Variants in POLA1 observed in about 807,000 individuals in gnomAD.
POLA1 encodes DNA polymerase alpha catalytic subunit.
A neutral mutation model predicts 124.0 loss-of-function variants in POLA1; 15 were observed. That is an observed-to-expected ratio of 0.12 (90% CI 0.08 to 0.19). The LOEUF is 0.19. Ranked by LOEUF, POLA1 falls within the 10% of genes least tolerant of loss-of-function variation. The probability of loss-of-function intolerance (pLI) is 1.00; values close to 1 mark genes in which losing one functional copy is unlikely to be tolerated. For synonymous variants in POLA1, 408 were observed against 389.4 expected, an observed-to-expected ratio of 1.05 and a Z score of -0.56; for missense variants, 886 against 1,103.4, an observed-to-expected ratio of 0.80 and a Z score of 2.79.
At chrX:24,956,416 A>G (rs2048107232) in intron 36 of POLA1, among the ~76,000 whole-genome samples, 1 of 110,011 alleles carries the variant, frequency 9.1e-6, no homozygotes, top group Non-Finnish European at 1.9e-5. Flanking sequence ...AACAAAATAG[A>G]CTTTATAGAT....
chrX:24,983,585 T>C (rs913882263), intron 36 of POLA1, among the ~76,000 whole-genome samples: 3 of 112,651 alleles, frequency 2.7e-5, no homozygotes, highest in Non-Finnish European at 5.6e-5. Flanking sequence ...CTTAGCCTTA[T>C]GTTAATTCAG....
chrX:24,785,784 A>G (rs945291393), intron 26 of POLA1, among the ~76,000 whole-genome samples: 3 of 112,049 alleles, frequency 2.7e-5, no homozygotes, highest in Admixed American at 1.9e-4. Context: ...ATCACTATGC[A>G]TGCTGTACCA....
intron 26 of POLA1, among the ~76,000 whole-genome samples, chrX:24,794,275 G>A (rs1210491166): frequency 8.9e-6 from 1 of 111,909 alleles, no homozygotes; most frequent in Non-Finnish European, 1.9e-5. Flanking sequence ...CATCACACCC[G>A]GCCTTCCCTG....
intron 26 of POLA1, among the ~76,000 whole-genome samples, chrX:24,754,069 A>G (rs1449703167): frequency 9.0e-6 from 1 of 111,546 alleles, no homozygotes; most frequent in Non-Finnish European, 1.9e-5. Flanking sequence ...ATGTGGTAGC[A>G]CCTATCAGGA....
intron 36 of POLA1, among the ~76,000 whole-genome samples, chrX:24,991,214 C>A (rs1458043331): frequency 9.3e-6 from 1 of 107,677 alleles, no homozygotes; most frequent in Non-Finnish European, 1.9e-5. Context: ...CACACCCACC[C>A]AAAAAAAAAT....
chrX:24,742,189 C>A, intron 22 of POLA1, 68 bp downstream of exon 22: 1 of 837,308 alleles, frequency 1.2e-6, no homozygotes, highest in Non-Finnish European at 1.6e-6. Flanking sequence ...ACCTAGATAG[C>A]CTTTTTTTTC....
intron 36 of POLA1, among the ~76,000 whole-genome samples, chrX:24,938,042 T>C (rs954908182): frequency 8.9e-6 from 1 of 112,620 alleles, no homozygotes; most frequent in African/African-American, 3.2e-5. Flanking sequence ...TGTTTCTTCG[T>C]AACTAGAAGG....
At chrX:24,783,536 C>T (rs189874334) in intron 26 of POLA1, among the ~76,000 whole-genome samples, 7 of 112,121 alleles carry the variant, frequency 6.2e-5, no homozygotes, top group African/African-American at 2.3e-4. Context: ...TTTCCCCATT[C>T]AGACTGCCAA....
intron 26 of POLA1, among the ~76,000 whole-genome samples, chrX:24,757,544 A>G (rs1932673309): frequency 9.8e-6 from 1 of 102,092 alleles, no homozygotes; most frequent in African/African-American, 3.8e-5. Flanking sequence ...GGTTCACGCC[A>G]TTCTCCTGCC....
chrX:24,975,923 A>G (rs909008982), intron 36 of POLA1, among the ~76,000 whole-genome samples: 2 of 112,711 alleles, frequency 1.8e-5, no homozygotes, highest in African/African-American at 3.2e-5. Context: ...TTCTGATCAC[A>G]TTACAGTTGT....
intron 36 of POLA1, among the ~76,000 whole-genome samples, chrX:24,963,716 C>T (rs1254277173): frequency 9.0e-6 from 1 of 111,400 alleles, no homozygotes; most frequent in East Asian, 2.8e-4. Context: ...TAATACAGAA[C>T]TCTTATTTGT....
chrX:24,879,408 A>T (rs904658479), intron 34 of POLA1, among the ~76,000 whole-genome samples: 2 of 112,028 alleles, frequency 1.8e-5, no homozygotes, highest in African/African-American at 6.5e-5. Flanking sequence ...GGAAAAAAGT[A>T]TTTTCTGAAA....
intron 1 of POLA1, among the ~76,000 whole-genome samples, chrX:24,698,490 T>C (rs912330164): frequency 1.8e-5 from 2 of 111,478 alleles, no homozygotes; most frequent in Non-Finnish European, 3.8e-5. Context: ...ATCTGTTCCT[T>C]CTTTGAATTT....
intron 26 of POLA1, among the ~76,000 whole-genome samples, chrX:24,764,914 C>A (rs1360296372): frequency 9.0e-6 from 1 of 111,293 alleles, no homozygotes; most frequent in Non-Finnish European, 1.9e-5. Context: ...TCTTGTCCCC[C>A]CCAATCTATT....
intron 5 of POLA1, 92 bp downstream of exon 5, chrX:24,714,761 T>C (rs940097746): frequency 4.1e-6 from 2 of 488,240 alleles, no homozygotes; most frequent in Non-Finnish European, 6.7e-6. Context: ...CTGTATATAT[T>C]TGAGTAACAT....
chrX:24,906,281 A>G (rs2047365026), intron 35 of POLA1, among the ~76,000 whole-genome samples: 1 of 112,423 alleles, frequency 8.9e-6, no homozygotes, highest in South Asian at 3.7e-4. Flanking sequence ...ACGAGTAGAT[A>G]AAGAAAATGT....
intron 23 of POLA1, among the ~76,000 whole-genome samples, chrX:24,744,813 C>T (rs929052323): frequency 3.7e-5 from 4 of 107,614 alleles, no homozygotes; most frequent in African/African-American, 1.4e-4. Flanking sequence ...TAGCCGAGCA[C>T]GGTGTTGCGC....
intron 34 of POLA1, among the ~76,000 whole-genome samples, chrX:24,850,945 C>G (rs1451022208): frequency 8.9e-6 from 1 of 111,848 alleles, no homozygotes. Flanking sequence ...GGCCGTGATG[C>G]CCAGGTCTTT....
chrX:24,786,288 A>G (rs1245588918), intron 26 of POLA1, among the ~76,000 whole-genome samples: 7 of 111,721 alleles, frequency 6.3e-5, no homozygotes, highest in Non-Finnish European at 1.3e-4. Flanking sequence ...ATTGCCACCA[A>G]TAGTGTACAA....
Sources: allele counts gnomAD v4.1 joint callset (sites outside exome capture counted in the v4.1 genomes callset), GRCh38; gene constraint gnomAD v4.1.1; transcripts MANE v1.5; gene names NCBI Gene and HGNC (gene_info 2026-07-23, HGNC 2026-07-21).